AMBRA1: variants seen among roughly 807,000 people sequenced by gnomAD.
AMBRA1 encodes activating molecule in BECN1-regulated autophagy protein 1.
In AMBRA1, 47 loss-of-function variants were observed where a neutral mutation model predicts 125.4. That is an observed-to-expected ratio of 0.37 (90% CI 0.30 to 0.48). The LOEUF is 0.48. AMBRA1 is among the 20% of genes least tolerant of loss of function. The pLI, the probability that AMBRA1 is intolerant of heterozygous loss-of-function variation, is 0.99. For synonymous variants in AMBRA1, 626 were observed against 655.5 expected, an observed-to-expected ratio of 0.95 and a Z score of 0.69; for missense variants, 1,331 against 1,693.4, an observed-to-expected ratio of 0.79 and a Z score of 3.76.
intron 11 of AMBRA1, among the ~76,000 whole-genome samples, chr11:46,489,442 C>A (rs1950389012): frequency 6.6e-6 from 1 of 152,080 alleles, no homozygotes; most frequent in African/African-American, 2.4e-5. Context: ...CCGCACCTGG[C>A]CAGTTTTTCT....
At chr11:46,502,024 C>CA (rs1950859174) in intron 9 of AMBRA1, among the ~76,000 whole-genome samples, 1 of 152,256 alleles carries the variant, frequency 6.6e-6, no homozygotes, top group African/African-American at 2.4e-5. Flanking sequence ...TCGACCACTA[C>CA]AAAAATTATC....
chr11:46,560,994 A>G (rs1248530763), intron 1 of AMBRA1, among the ~76,000 whole-genome samples: 1 of 152,166 alleles, frequency 6.6e-6, no homozygotes, highest in Non-Finnish European at 1.5e-5. Context: ...ACATCTTTCT[A>G]TTCTCTGCAT....
intron 7 of AMBRA1, among the ~76,000 whole-genome samples, chr11:46,537,750 AATACCCTCAC>A (rs1417165233): frequency 6.6e-6 from 1 of 152,158 alleles, no homozygotes; most frequent in Non-Finnish European, 1.5e-5. Context: ...TATGCTTATC[AATACCCTCAC>A]TATTTGCAAA....
At chr11:46,516,660 C>T (rs1951502881) in intron 7 of AMBRA1, among the ~76,000 whole-genome samples, 1 of 151,980 alleles carries the variant, frequency 6.6e-6, no homozygotes, top group South Asian at 2.1e-4. Context: ...GTCTTGATCT[C>T]CTGACCTCAT....
chr11:46,517,630 C>A (rs1340536115), intron 7 of AMBRA1, among the ~76,000 whole-genome samples: 1 of 148,858 alleles, frequency 6.7e-6, no homozygotes. Context: ...GTCAGGAGAT[C>A]GAGACCATCC....
intron 13 of AMBRA1, 122 bp from the exon 14 acceptor site, chr11:46,433,750 T>C: frequency 9.6e-7 from 1 of 1,044,792 alleles, no homozygotes; most frequent in African/African-American, 1.6e-5. Flanking sequence ...CCTGGTGTTA[T>C]CTCATAGGAC....
At chr11:46,460,324 C>CTT (rs397847968) in intron 11 of AMBRA1, among the ~76,000 whole-genome samples, 5 of 139,876 alleles carry the variant, frequency 3.6e-5, no homozygotes, top group Non-Finnish European at 4.6e-5. Flanking sequence ...AAACACAACT[C>CTT]TTTTTTTTTT....
At chr11:46,478,932 C>T (rs1370663901) in intron 11 of AMBRA1, among the ~76,000 whole-genome samples, 3 of 152,200 alleles carry the variant, frequency 2.0e-5, no homozygotes, top group Admixed American at 1.3e-4. Flanking sequence ...GACGCAGTGG[C>T]TCACGCCAGT....
intron 1 of AMBRA1, among the ~76,000 whole-genome samples, chr11:46,551,560 T>C (rs1474165895): frequency 1.3e-5 from 2 of 152,184 alleles, no homozygotes; most frequent in Admixed American, 6.5e-5. Flanking sequence ...GTTATCTTTA[T>C]CAAAAATTTT....
chr11:46,469,512 T>C (rs2136872793), intron 11 of AMBRA1, among the ~76,000 whole-genome samples: 1 of 152,334 alleles, frequency 6.6e-6, no homozygotes, highest in Middle Eastern at 3.4e-3. Flanking sequence ...TGTACACCTA[T>C]TATATGTGTA....
intron 11 of AMBRA1, among the ~76,000 whole-genome samples, chr11:46,480,090 C>T (rs779047068): frequency 9.9e-5 from 15 of 152,154 alleles, no homozygotes; most frequent in Non-Finnish European, 1.8e-4. Flanking sequence ...ATCATTGCAG[C>T]ACCTTGACTG....
At chr11:46,585,420 C>A (rs2044335055) in intron 1 of AMBRA1, among the ~76,000 whole-genome samples, 1 of 150,038 alleles carries the variant, frequency 6.7e-6, no homozygotes, top group Non-Finnish European at 1.5e-5. Context: ...GTAATCCCAG[C>A]ACTTTGGGAG....
chr11:46,541,388 T>A (rs373905132), intron 7 of AMBRA1, among the ~76,000 whole-genome samples: 4 of 152,156 alleles, frequency 2.6e-5, no homozygotes, highest in Non-Finnish European at 4.4e-5. Flanking sequence ...TCTGAAAAAA[T>A]TGGAATTTTT....
intron 11 of AMBRA1, among the ~76,000 whole-genome samples, chr11:46,448,251 T>C (rs939876039): frequency 6.6e-6 from 1 of 152,184 alleles, no homozygotes; most frequent in African/African-American, 2.4e-5. Flanking sequence ...GAATAATACA[T>C]ATTACACTTG....
intron 12 of AMBRA1, among the ~76,000 whole-genome samples, chr11:46,437,561 T>A (rs551916326): frequency 6.6e-6 from 1 of 152,234 alleles, no homozygotes; most frequent in Non-Finnish European, 1.5e-5. Context: ...TGTTTACAAT[T>A]TCATTCTCAC....
intron 11 of AMBRA1, among the ~76,000 whole-genome samples, chr11:46,462,351 C>A (rs994931123): frequency 1.3e-5 from 2 of 152,220 alleles, no homozygotes; most frequent in African/African-American, 4.8e-5. Flanking sequence ...GCAGTCAACA[C>A]TAAGCGCCGG....
intron 11 of AMBRA1, among the ~76,000 whole-genome samples, chr11:46,492,123 C>T (rs1038612296): frequency 9.2e-5 from 14 of 152,174 alleles, no homozygotes; most frequent in African/African-American, 2.7e-4. Context: ...AGGAGAGGCA[C>T]GGACCACAGC....
At chr11:46,507,696 A>G (rs1951104767) in intron 9 of AMBRA1, among the ~76,000 whole-genome samples, 1 of 152,172 alleles carries the variant, frequency 6.6e-6, no homozygotes, top group Non-Finnish European at 1.5e-5. Context: ...AGTTTAGGCA[A>G]TGGAGTAGGA....
chr11:46,578,285 G>A (rs535069039), intron 1 of AMBRA1, among the ~76,000 whole-genome samples: 3 of 151,904 alleles, frequency 2.0e-5, no homozygotes, highest in Admixed American at 6.6e-5. Flanking sequence ...TCAGGAGTTC[G>A]AGACCAGCTG....
Sources: gnomAD v4.1 joint callset for allele counts (sites outside exome capture counted in the v4.1 genomes callset) on GRCh38, gnomAD v4.1.1 for gene constraint, MANE v1.5 for transcripts, NCBI Gene and HGNC (gene_info 2026-07-23, HGNC 2026-07-21) for gene names.